RIDA: variants seen among roughly 807,000 people sequenced by gnomAD.
RIDA encodes 2-iminobutanoate/2-iminopropanoate deaminase.
A neutral mutation model predicts 17.8 loss-of-function variants in RIDA; 17 were observed. The ratio of observed to expected loss-of-function variants is 0.96; its 90% CI spans 0.65 to 1.43. RIDA has a LOEUF of 1.43. RIDA is among the 40% of genes most tolerant of loss of function. RIDA has a pLI of 0.00. For synonymous variants in RIDA, 48 were observed against 55.7 expected (o/e 0.86, Z 0.62); for missense variants, 158 against 161.7 (o/e 0.98, Z 0.12).
intron 1 of RIDA, among the ~76,000 whole-genome samples, chr8:98,110,803 G>A (rs986404501): frequency 1.2e-4 from 18 of 152,234 alleles, no homozygotes; most frequent in East Asian, 1.9e-4. Context: ...TTGAGAGTAG[G>A]ACCTGGTGGG....
At chr8:98,106,230 G>T (rs1189401013) in intron 3 of RIDA, 42 bp downstream of exon 3, 5 of 1,578,690 alleles carry the variant, frequency 3.2e-6, no homozygotes, top group African/African-American at 2.7e-5. Context: ...AAAGACCAAA[G>T]AAATATCAAA....
At chr8:98,111,080 A>C (rs1343486553) in intron 1 of RIDA, among the ~76,000 whole-genome samples, 1 of 152,230 alleles carries the variant, frequency 6.6e-6, no homozygotes, top group Non-Finnish European at 1.5e-5. Context: ...AAACGAACTA[A>C]TACAACTTCA....
At chr8:98,116,981 C>T (rs1815847804) in intron 1 of RIDA, 51 bp downstream of exon 1, 5 of 1,500,574 alleles carry the variant, frequency 3.3e-6, no homozygotes, top group Non-Finnish European at 1.8e-6. Flanking sequence ...AACCCCGAAT[C>T]CCCGAACCCG....
intron 5 of RIDA, among the ~76,000 whole-genome samples, chr8:98,104,110 G>T (rs1200639383): frequency 2.7e-5 from 4 of 146,904 alleles, no homozygotes; most frequent in Non-Finnish European, 6.0e-5. Flanking sequence ...AAGAGACAAG[G>T]TCACACTGTT....
At chr8:98,106,534 C>G in intron 2 of RIDA, 1 of 501,850 alleles carries the variant, frequency 2.0e-6, no homozygotes, top group Non-Finnish European at 3.6e-6. Flanking sequence ...TCCTTTTGTG[C>G]GTAAAAAGAC....
At chr8:98,107,502 C>A (rs191128678) in intron 2 of RIDA, among the ~76,000 whole-genome samples, 28 of 152,214 alleles carry the variant, frequency 1.8e-4, no homozygotes, top group Admixed American at 1.8e-3. Context: ...CCAGCCTGGG[C>A]GACAGAGCAA....
chr8:98,105,132 A>C (rs926399838), intron 4 of RIDA, among the ~76,000 whole-genome samples: 1 of 151,452 alleles, frequency 6.6e-6, no homozygotes, highest in Non-Finnish European at 1.5e-5. Flanking sequence ...AAAAAAAAAA[A>C]AAAAAAAAAA....
At chr8:98,116,846 C>T (rs1815842398) in intron 1 of RIDA, among the ~76,000 whole-genome samples, 186 bp downstream of exon 1, 1 of 152,234 alleles carries the variant, frequency 6.6e-6, no homozygotes, top group Non-Finnish European at 1.5e-5. Context: ...GAGCAAAGTC[C>T]CATGGAGTGC....
intron 2 of RIDA, among the ~76,000 whole-genome samples, chr8:98,107,804 C>T (rs1320321965): frequency 1.3e-5 from 2 of 150,156 alleles, no homozygotes; most frequent in South Asian, 2.1e-4. Context: ...GGTTCTTGCT[C>T]TGTTGCCCAG....
intron 1 of RIDA, among the ~76,000 whole-genome samples, chr8:98,114,532 C>T (rs1815775025): frequency 6.7e-6 from 1 of 148,286 alleles, no homozygotes; most frequent in South Asian, 2.1e-4. Context: ...GACGGGGTTT[C>T]ACCATCTTGG....
chr8:98,116,976 C>T, intron 1 of RIDA, 56 bp downstream of exon 1: 1 of 1,468,574 alleles, frequency 6.8e-7, no homozygotes, highest in Non-Finnish European at 9.5e-7. Flanking sequence ...GCCCCAACCC[C>T]GAATCCCCGA....
Position 98,104,433 on chromosome 8 carries a change from G to T in RIDA, c.351+56C>A, listed in dbSNP as rs1815606299. On this transcript the variant is annotated intron_variant, in intron 5 of 5. Transcript: ENST00000254878. The stretch of plus-strand genomic sequence containing the variant: ...CACAGTGCTTAGTTTACTTATAGAA[G>T]GAAAACAATGTAGAAACTGAAAACT... 17 of 1,106,930 alleles carry T rather than the reference G, an allele frequency of 1.5e-5. 1 individual carries two copies. In the South Asian group the frequency reaches 2.1e-4, roughly 13 times the overall value. 68.6% of individuals were successfully genotyped at this position (1,106,930 alleles called of 1,614,324 possible).
chr8:98,102,961 T>G (rs1815580681), intron 5 of RIDA, 57 bp from the exon 6 acceptor site: 5 of 1,197,480 alleles, frequency 4.2e-6, no homozygotes, highest in Non-Finnish European at 6.1e-6. Context: ...GCAAACTCTA[T>G]AATACCTACT....
At chr8:98,115,979 G>A (rs1476935618) in intron 1 of RIDA, among the ~76,000 whole-genome samples, 1 of 152,102 alleles carries the variant, frequency 6.6e-6, no homozygotes, top group Non-Finnish European at 1.5e-5. Context: ...CTTGAATTAT[G>A]AAAACTTTCT....
At chr8:98,106,155 A>C (rs1815630190) in intron 3 of RIDA, 117 bp downstream of exon 3, 1 of 1,173,476 alleles carries the variant, frequency 8.5e-7, no homozygotes, top group South Asian at 1.3e-5. Flanking sequence ...TTGCTATTTA[A>C]AACAACTTTT....
At chr8:98,108,220 A>G (rs969488646) in intron 2 of RIDA, among the ~76,000 whole-genome samples, 1 of 152,156 alleles carries the variant, frequency 6.6e-6, no homozygotes, top group Non-Finnish European at 1.5e-5. Flanking sequence ...CCTGGCCTAA[A>G]TTATGGTTTA....
chr8:98,108,588 C>G (rs1241257831), intron 2 of RIDA, 58 bp downstream of exon 2: 7 of 1,038,844 alleles, frequency 6.7e-6, no homozygotes, highest in Non-Finnish European at 1.1e-5. Flanking sequence ...ATTCTTAATG[C>G]TCTTCAACAT....
intron 5 of RIDA, among the ~76,000 whole-genome samples, chr8:98,103,277 A>G (rs1441672680): frequency 6.6e-6 from 1 of 152,242 alleles, no homozygotes; most frequent in Non-Finnish European, 1.5e-5. Flanking sequence ...TACTACACCC[A>G]GTACCTTAAT....
rs554461597 is a variant in RIDA at position 98,106,282 on chromosome 8, G to A, written c.216C>T (p.Asp72=). ...MGEILKAAGC[D]FTNVVKTTVL... ...TATCAAATTGCTCACCGTTAGTGAA[G>A]TCACAGCCTGCAGCTTTCAGAATTT... The change falls in exon 3 of 6, where the codon GAC becomes GAT. Residue 72 remains aspartate (D), a synonymous_variant. Coordinates refer to ENST00000254878, the MANE Select transcript of RIDA (RefSeq NM_005836.3). 4.3e-6 allele frequency: 7 copies of A among 1,613,730 alleles called. No individual in the cohort carries two copies. The South Asian group carries it at 6.6e-5, about 15-fold the overall frequency.
Sources: allele counts gnomAD v4.1 joint callset (sites outside exome capture counted in the v4.1 genomes callset), GRCh38; gene constraint gnomAD v4.1.1; transcripts MANE v1.5; gene names NCBI Gene and HGNC (gene_info 2026-07-23, HGNC 2026-07-21).